GFAP: variants seen among roughly 807,000 people sequenced by gnomAD.
GFAP encodes intermediate filament protein.
A neutral mutation model predicts 49.3 loss-of-function variants in GFAP; 38 were observed. The observed-to-expected ratio is 0.77, with a 90% confidence interval of 0.60 to 1.01. The LOEUF (loss-of-function observed/expected upper bound fraction) is 1.01. Among genes scored for constraint, GFAP ranks in the 50% least tolerant of loss-of-function variants. The pLI is 0.00. For synonymous variants in GFAP, 222 were observed against 236.4 expected, an observed-to-expected ratio of 0.94 and a Z score of 0.56; for missense variants, 463 against 579.1, an observed-to-expected ratio of 0.80 and a Z score of 2.06.
chr17:44,904,403 C>G lies in GFAP; in HGVS notation c.*2944G>C. 3 of 1,542,408 alleles carry G rather than the reference C, an allele frequency of 1.9e-6. No individual in the cohort carries two copies. The highest frequency in any genetic ancestry group is 2.6e-6 in the Non-Finnish European group (3 of 1,140,922). ...GCGTGGGGAGCAGTGGCGCATCGGC[C>G]TCTGCTACCTGCAGAGCCCAGACCT... On this transcript the variant is annotated 3_prime_UTR_variant, in exon 9 of 9. Transcript: ENST00000588735.
chr17:44,910,382 G>A, intron 7 of GFAP: 1 of 1,607,832 alleles, frequency 6.2e-7, no homozygotes, highest in Admixed American at 1.7e-5. Flanking sequence ...CGAATGGGGT[G>A]CAGGGAGGGG....
At chr17:44,907,709 AAG>A (rs2051674516) in intron 8 of GFAP, 2 of 555,384 alleles carry the variant, frequency 3.6e-6, no homozygotes, top group Non-Finnish European at 6.5e-6. Context: ...TGGAAATGGA[AAG>A]CCCTCCCCAT....
rs768683013 is a variant in GFAP, at chr17:44,904,790, A to AGG, written c.*2555_*2556dup. The AGG allele has an allele frequency of 6.4e-7, 1 of 1,550,544 alleles. No homozygotes were observed. Among genetic ancestry groups the AGG allele is most frequent in the Non-Finnish European group, 8.7e-7 (1 of 1,147,006 alleles). On this transcript the variant is annotated 3_prime_UTR_variant, in exon 9 of 9. Transcript: ENST00000588735. The stretch of plus-strand genomic sequence containing the variant: ...CCTGAAGGGTGTCAACAGGTCCATG[A>AGG]GGGTGTTCATTGACCACGGCAACCA...
chr17:44,907,898 A>G (rs989621819), intron 8 of GFAP, 166 bp downstream of exon 8: 1 of 739,456 alleles, frequency 1.4e-6, no homozygotes, highest in Non-Finnish European at 2.5e-6. Flanking sequence ...GGGACTGAGG[A>G]AACGGAATTA....
chr17:44,911,187 A>C, intron 6 of GFAP, 49 bp downstream of exon 6: 2 of 1,519,032 alleles, frequency 1.3e-6, no homozygotes, highest in Non-Finnish European at 1.8e-6. Context: ...GATGAGCTCT[A>C]CCGTGAGGCA....
intron 2 of GFAP, 51 bp from the exon 3 acceptor site, chr17:44,913,874 C>T: frequency 6.7e-7 from 1 of 1,481,538 alleles, no homozygotes; most frequent in East Asian, 2.3e-5. Context: ...GCCCCAGGCT[C>T]CTTCTCCCCA....
Position 44,913,798 on chromosome 17 carries a change from C to T in GFAP, c.548G>A (p.Arg183His), listed in dbSNP as rs769613792. 5.3e-5 allele frequency: 86 copies of T among 1,614,048 alleles called. No individual in the cohort carries two copies. Among genetic ancestry groups the T allele is most frequent in the Admixed American group, 1.2e-4 (7 of 60,014 alleles). The change falls in exon 3 of 9, where the codon CGT (arginine) becomes CAT (histidine). Residue 183 changes from arginine (R) to histidine (H), a missense_variant. Physicochemically the swap from Arg to His is conservative, Grantham distance 29. Around this residue, in one of 3 missense-constraint regions of GFAP, gnomAD observed 362 missense variants for 445.5 expected, o/e 0.81. Coordinates refer to ENST00000588735, the MANE Select transcript of GFAP (RefSeq NM_002055.5). Reference sequence around the variant, plus strand: ...CTCAATCTTCCTCTCCAGATCCAGACGGGCCAGGGTGGCTTCATCTGCTTC... The same window carrying T: ...CTCAATCTTCCTCTCCAGATCCAGATGGGCCAGGGTGGCTTCATCTGCTTC... The part of the protein sequence containing the change: ...RQEADEATLA[R>H]LDLERKIESL...
rs8079849 is a variant in GFAP at position 44,911,554 on chromosome 17, G to C, written c.907-98C>G. 5.7e-3 allele frequency: 8,848 copies of C among 1,563,480 alleles called. 370 individuals carry two copies. In the African/African-American group the frequency reaches 0.095, roughly 17 times the overall value. On this transcript the variant is annotated intron_variant, in intron 5 of 8. Transcript: ENST00000588735. ...CCCCAGGCCCCGCCTCTAGCCCGGG[G>C]GTAACGTTCAGGCCCCGCCCTCGAC...
At chr17:44,910,827 A>G in intron 6 of GFAP, 169 bp from the exon 7 acceptor site, 3 of 928,654 alleles carry the variant, frequency 3.2e-6, no homozygotes, top group Non-Finnish European at 4.8e-6. Flanking sequence ...TGGAGTTCCA[A>G]ACGTCTGCAA....
In GFAP at chr17:44,915,492, T is replaced by C. The variant is rs765106945; in HGVS notation, c.-6A>G. On this transcript the variant is annotated 5_prime_UTR_variant, in exon 1 of 9. Transcript: ENST00000588735. The surrounding 1 kb of genome is among the most constrained non-coding windows in gnomAD (Gnocchi z 4.1). ...GTGATGCGTCTCCTCTCCATCCTGCTCTGGCTCTGCTCGCTCCTGGGATGC... is the reference window on the plus strand; with the variant it reads ...GTGATGCGTCTCCTCTCCATCCTGCCCTGGCTCTGCTCGCTCCTGGGATGC... The C allele has an allele frequency of 9.0e-6, 14 of 1,563,196 alleles. No homozygotes were observed. The Admixed American group carries it at 2.4e-4, about 27-fold the overall frequency.
chr17:44,915,342 G>A lies in GFAP; in HGVS notation c.145C>T (p.Arg49Trp), dbSNP rs771283454. The change falls in exon 1 of 9, where the codon CGG (arginine) becomes TGG (tryptophan). Residue 49 changes from arginine to tryptophan, a missense_variant. By Grantham distance (101) the Arg-to-Trp change is moderately radical (BLOSUM62 -3). Coordinates refer to ENST00000588735, the MANE Select transcript of GFAP (RefSeq NM_002055.5). This position sits in a 1 kb window ranked among gnomAD's most constrained non-coding sequence, Gnocchi z 4.1. Reference sequence around the variant, plus strand: ...GCCCCAGCCAGGGAGAAATCCACCCGGGTCGGGAGTGGAGGGGGCATTCGA... The same window carrying A: ...GCCCCAGCCAGGGAGAAATCCACCCAGGTCGGGAGTGGAGGGGGCATTCGA... ...LARMPPPLPT[R>W]VDFSLAGALN... 16 of 1,612,722 alleles carry A rather than the reference G, an allele frequency of 9.9e-6. No homozygotes were observed. Among genetic ancestry groups the A allele is most frequent in the South Asian group, 7.7e-5 (7 of 91,084 alleles).
chr17:44,912,000 C>T (rs567804959), intron 4 of GFAP, among the ~76,000 whole-genome samples: 1 of 152,330 alleles, frequency 6.6e-6, no homozygotes, highest in African/African-American at 2.4e-5. Context: ...GGTCAGCAAG[C>T]GAATGAATGA....
Position 44,915,347 on chromosome 17 carries a change from G to A in GFAP, c.140C>T (p.Pro47Leu), listed in dbSNP as rs57474185. Reference sequence around the variant, plus strand: ...AGCCAGGGAGAAATCCACCCGGGTCGGGAGTGGAGGGGGCATTCGAGCCAG... The same window carrying A: ...AGCCAGGGAGAAATCCACCCGGGTCAGGAGTGGAGGGGGCATTCGAGCCAG... ...LSLARMPPPL[P>L]TRVDFSLAGA... is the part of the protein sequence containing the mutation. The change falls in exon 1 of 9, where the codon CCG becomes CTG. Residue 47 changes from proline to leucine, a missense_variant. Pro to Leu is a moderately conservative substitution (Grantham distance 98). Coordinates refer to ENST00000588735, the MANE Select transcript of GFAP (RefSeq NM_002055.5). This position sits in a 1 kb window ranked among gnomAD's most constrained non-coding sequence, Gnocchi z 4.1. The A allele has an allele frequency of 6.8e-3, 10,990 of 1,612,262 alleles. 47 individuals are homozygous for A. Among genetic ancestry groups the A allele is most frequent in the Non-Finnish European group, 8.3e-3 (9,764 of 1,178,656 alleles).
chr17:44,915,085 G>A lies in GFAP; in HGVS notation c.402C>T (p.Ser134=), dbSNP rs147040914. The A allele has an allele frequency of 1.3e-5, 21 of 1,613,356 alleles. No individual in the cohort carries two copies. The highest frequency in any genetic ancestry group is 3.3e-5 in the Admixed American group (2 of 59,996). ...RLRLDQLTAN[S]ARLEVERDNL... is the part of the protein sequence containing the mutation. ...TGTCCCTCTCAACCTCCAGCCGGGC[G>A]CTGTTGGCGGTGAGTTGATCGAGCC... is the stretch of plus-strand genomic sequence containing the variant. Residue 134 remains serine (S), a synonymous_variant, in exon 1 of 9, where the codon AGC becomes AGT. Coordinates refer to ENST00000588735, the MANE Select transcript of GFAP (RefSeq NM_002055.5). The surrounding 1 kb of genome is among the most constrained non-coding windows in gnomAD (Gnocchi z 4.1).
Position 44,910,615 on chromosome 17 carries a change from C to G in GFAP, c.1171G>C (p.Glu391Gln). ...VQTFSNLQIRETSLDTKSVSE... is the reference protein window; with the variant it reads ...VQTFSNLQIRQTSLDTKSVSE... ...TCCCACGAGGCCCTGCTGTACTGAC[C>G]TCGAATCTGCAGGTTGGAGAAGGTC... Residue 391 changes from glutamate to glutamine, a missense_variant and splice_region_variant, in exon 7 of 9, where the codon GAA (glutamate) becomes CAA (glutamine). Glu to Gln is a conservative substitution (Grantham distance 29). Transcript: ENST00000588735. 1 of 1,577,642 alleles carries G rather than the reference C, an allele frequency of 6.3e-7. No individual in the cohort carries two copies. The highest frequency in any genetic ancestry group is 8.6e-7 in the Non-Finnish European group (1 of 1,161,114).
chr17:44,911,830 G>A, intron 4 of GFAP, 33 bp from the exon 5 acceptor site: 1 of 1,597,994 alleles, frequency 6.3e-7, no homozygotes, highest in Non-Finnish European at 8.5e-7. Flanking sequence ...GGGCTGTGTG[G>A]GCCCATGGGC....
chr17:44,914,206 A>G, intron 1 of GFAP, 118 bp from the exon 2 acceptor site: 1 of 722,468 alleles, frequency 1.4e-6, no homozygotes, highest in Non-Finnish European at 2.5e-6. Context: ...CCAGTAGAGC[A>G]GCAGGAGGAT....
intron 1 of GFAP, 27 bp downstream of exon 1, chr17:44,914,998 AG>A: frequency 1.3e-6 from 2 of 1,584,418 alleles, no homozygotes; most frequent in Non-Finnish European, 8.6e-7. Flanking sequence ...TCTGCTCACA[AG>A]GCCCCCCTTC....
chr17:44,905,873 A>C lies in GFAP; in HGVS notation c.*1474T>G, dbSNP rs1597850990. The C allele has an allele frequency of 1.3e-5, 2 of 152,456 alleles. No individual in the cohort carries two copies. Among genetic ancestry groups the C allele is most frequent in the Non-Finnish European group, 2.9e-5 (2 of 68,154 alleles). The allele number at this position is 152,456 out of a possible 1,614,324, so 9.4% of individuals were successfully genotyped here. On this transcript the variant is annotated 3_prime_UTR_variant, in exon 9 of 9. Transcript: ENST00000588735. ...GTCTGCTCACCAGTCTGCTCAGTCA[A>C]AGCAGAGTGGGTGCACTGGGGTGGA...
Sources: allele counts gnomAD v4.1 joint callset (sites outside exome capture counted in the v4.1 genomes callset), GRCh38; gene constraint gnomAD v4.1.1; regional missense constraint gnomAD v4.1.1; non-coding constraint Gnocchi (gnomAD v3.1); transcripts MANE v1.5; gene names NCBI Gene and HGNC (gene_info 2026-07-23, HGNC 2026-07-21).